Variants in ADGB observed in about 807,000 individuals in gnomAD.
The protein encoded by ADGB is androglobin.
Under a neutral mutation model 210.5 loss-of-function variants are expected in ADGB, and 172 were observed. That is an observed-to-expected ratio of 0.82 (90% confidence interval 0.72 to 0.93). The LOEUF (loss-of-function observed/expected upper bound fraction) is 0.93, where lower values mean the gene tolerates loss of function less well. Ranked by LOEUF, ADGB falls within the 40% of genes least tolerant of loss-of-function variation. The pLI, the probability that ADGB is intolerant of heterozygous loss-of-function variation, is 0.00. For synonymous variants in ADGB, 658 were observed against 662.7 expected (o/e 0.99, Z 0.11); for missense variants, 2,025 against 1,964.8 (o/e 1.03, Z -0.58).
intron 23 of ADGB, among the ~76,000 whole-genome samples, chr6:146,739,472 TC>T (rs1416207220): frequency 6.6e-6 from 1 of 152,188 alleles, no homozygotes; most frequent in East Asian, 1.9e-4. Flanking sequence ...CTATTATTTG[TC>T]TTTGTCACCA....
intron 20 of ADGB, among the ~76,000 whole-genome samples, chr6:146,728,952 C>T (rs1776938862): frequency 6.6e-6 from 1 of 152,216 alleles, no homozygotes; most frequent in Admixed American, 6.5e-5. Context: ...ATGACAACTA[C>T]TGCTGTGGCT....
intron 1 of ADGB, among the ~76,000 whole-genome samples, chr6:146,618,382 TTTA>T (rs1780835244): frequency 6.6e-6 from 1 of 151,916 alleles, no homozygotes; most frequent in Non-Finnish European, 1.5e-5. Flanking sequence ...AGCTCTGATA[TTTA>T]TTATTTCTTT....
At chr6:146,722,945 T>C (rs1776842751) in intron 17 of ADGB, among the ~76,000 whole-genome samples, 1 of 152,184 alleles carries the variant, frequency 6.6e-6, no homozygotes, top group African/African-American at 2.4e-5. Flanking sequence ...CCTGTTTTGT[T>C]AAAGAATTTT....
At chr6:146,712,943 C>T (rs1776680506) in intron 13 of ADGB, among the ~76,000 whole-genome samples, 1 of 151,920 alleles carries the variant, frequency 6.6e-6, no homozygotes, top group South Asian at 2.1e-4. Context: ...AACCACCATT[C>T]CACTTTCTGT....
chr6:146,769,988 A>C (rs1381109737), intron 29 of ADGB, among the ~76,000 whole-genome samples: 1 of 152,112 alleles, frequency 6.6e-6, no homozygotes, highest in East Asian at 1.9e-4. Flanking sequence ...AGAAACAGTA[A>C]ATTTTATCTA....
intron 16 of ADGB, among the ~76,000 whole-genome samples, chr6:146,720,872 T>C (rs1776802541): frequency 6.6e-6 from 1 of 152,182 alleles, no homozygotes; most frequent in African/African-American, 2.4e-5. Flanking sequence ...GTGTGGGGAT[T>C]ACAATCTGAC....
chr6:146,749,682 T>A (rs1051958548), intron 26 of ADGB, among the ~76,000 whole-genome samples: 1 of 151,976 alleles, frequency 6.6e-6, no homozygotes, highest in Non-Finnish European at 1.5e-5. Flanking sequence ...TGAGACTCAG[T>A]AATTTATGGA....
At chr6:146,749,710 A>G (rs1777291383) in intron 26 of ADGB, among the ~76,000 whole-genome samples, 1 of 152,050 alleles carries the variant, frequency 6.6e-6, no homozygotes, top group Non-Finnish European at 1.5e-5. Context: ...GGTTTAAGTG[A>G]CTCACAGTTC....
At chr6:146,704,320 CTTCT>C (rs1776536807) in intron 13 of ADGB, among the ~76,000 whole-genome samples, 1 of 151,546 alleles carries the variant, frequency 6.6e-6, no homozygotes, top group Non-Finnish European at 1.5e-5. Context: ...GATGTAATTC[CTTCT>C]GTCTGTTTGC....
intron 14 of ADGB, among the ~76,000 whole-genome samples, chr6:146,716,466 G>A (rs995115218): frequency 7.0e-6 from 1 of 142,298 alleles, no homozygotes; most frequent in African/African-American, 3.1e-5. Context: ...GGTGGCGGGC[G>A]CCTGTAGTCC....
In ADGB at chr6:146,752,603, A is replaced by C; in HGVS notation, c.3439A>C (p.Lys1147Gln). 1.3e-6 allele frequency: 2 copies of C among 1,550,960 alleles called. No homozygotes were observed. The highest frequency in any genetic ancestry group is 1.7e-6 in the Non-Finnish European group (2 of 1,146,470). ...VRTSKPDAFI[K>Q]LQVLENEETM... is the part of the protein sequence containing the mutation. ...CACATCCAAACCAGATGCATTCATC[A>C]AGCTGCAGGTCCTAGAAAATGAAGA... The change falls in exon 27 of 36, where the codon AAG (lysine) becomes CAG (glutamine). Residue 1147 changes from lysine to glutamine, a missense_variant. Lys to Gln is a moderately conservative substitution (Grantham distance 53, BLOSUM62 1). Coordinates refer to ENST00000397944, the MANE Select transcript of ADGB (RefSeq NM_024694.4).
chr6:146,723,619 C>T (rs1022161530), intron 17 of ADGB, among the ~76,000 whole-genome samples: 4 of 152,086 alleles, frequency 2.6e-5, no homozygotes, highest in African/African-American at 9.7e-5. Flanking sequence ...TGCCTGTAAT[C>T]CCCGGTACTC....
At chr6:146,617,163 C>A (rs187678347) in intron 1 of ADGB, among the ~76,000 whole-genome samples, 35 of 151,918 alleles carry the variant, frequency 2.3e-4, no homozygotes, top group Middle Eastern at 6.8e-3. Flanking sequence ...TCATTCACTT[C>A]TTTTGTTGCA....
intron 18 of ADGB, chr6:146,724,637 A>T (rs905085560): frequency 1.2e-5 from 2 of 164,862 alleles, no homozygotes; most frequent in African/African-American, 4.8e-5. Context: ...TATTATACAC[A>T]TAACATTTAT....
Position 146,724,192 on chromosome 6 carries a change from C to G in ADGB, c.2102C>G (p.Thr701Arg). 1 of 1,547,490 alleles carries G rather than the reference C, an allele frequency of 6.5e-7. No homozygotes were observed. The highest frequency in any genetic ancestry group is 8.7e-7 in the Non-Finnish European group (1 of 1,145,774). The change falls in exon 18 of 36, where the codon ACA becomes AGA. Residue 701 changes from threonine (T) to arginine (R), a missense_variant. Coordinates refer to ENST00000397944, the MANE Select transcript of ADGB (RefSeq NM_024694.4). ...LVRWGEYGAL[T>R]KDSPPIEPGL... Reference sequence around the variant, plus strand: ...CTTTTTACTTATCTTAAAGCCTTAACAAAAGACAGTCCTCCCATAGAGCCT... The same window carrying G: ...CTTTTTACTTATCTTAAAGCCTTAAGAAAAGACAGTCCTCCCATAGAGCCT...
chr6:146,612,473 A>G (rs907712227), intron 1 of ADGB, among the ~76,000 whole-genome samples: 1 of 152,108 alleles, frequency 6.6e-6, no homozygotes, highest in Non-Finnish European at 1.5e-5. Flanking sequence ...GAGATCAGTC[A>G]TCTATGACCT....
chr6:146,751,614 C>T (rs953716035), intron 26 of ADGB, among the ~76,000 whole-genome samples: 1 of 152,044 alleles, frequency 6.6e-6, no homozygotes, highest in Admixed American at 6.6e-5. Flanking sequence ...AAAGAGTTTC[C>T]ATTTCTCTGC....
At chr6:146,703,075 G>A (rs181295725) in intron 13 of ADGB, among the ~76,000 whole-genome samples, 1 of 151,682 alleles carries the variant, frequency 6.6e-6, no homozygotes, top group Non-Finnish European at 1.5e-5. Flanking sequence ...TGCCATTTCT[G>A]TTTGTGCTGC....
intron 1 of ADGB, among the ~76,000 whole-genome samples, chr6:146,620,515 T>C (rs1780872756): frequency 6.6e-6 from 1 of 152,096 alleles, no homozygotes; most frequent in African/African-American, 2.4e-5. Context: ...GATAATTTTA[T>C]ATGTTCCATC....
Sources: gnomAD v4.1 joint callset for allele counts (sites outside exome capture counted in the v4.1 genomes callset) on GRCh38, gnomAD v4.1.1 for gene constraint, MANE v1.5 for transcripts, NCBI Gene and HGNC (gene_info 2026-07-23, HGNC 2026-07-21) for gene names.